The following SHROOM3 variants were observed in gnomAD, a reference collection of about 807,000 sequenced individuals.
SHROOM3 encodes the protein shroom family member 3.
Under a neutral mutation model 138.6 loss-of-function variants are expected in SHROOM3, and 47 were observed. The ratio of observed to expected loss-of-function variants is 0.34; its 90% CI spans 0.27 to 0.43. The LOEUF is 0.43. SHROOM3 is among the 20% of genes least tolerant of loss of function. The pLI is 1.00. For synonymous variants in SHROOM3, 1,062 were observed against 1,063.3 expected, an observed-to-expected ratio of 1.00 and a Z score of 0.02; for missense variants, 2,491 against 2,596.5, an observed-to-expected ratio of 0.96 and a Z score of 0.88.
chr4:76,563,808 C>G (rs1733645433), intron 2 of SHROOM3, among the ~76,000 whole-genome samples: 1 of 152,154 alleles, frequency 6.6e-6, no homozygotes, highest in Non-Finnish European at 1.5e-5. Context: ...TCTACCTCTC[C>G]TGGACACAGA....
In SHROOM3 at chr4:76,740,260, C is replaced by T; in HGVS notation, c.2087C>T (p.Ala696Val). 1.9e-6 allele frequency: 3 copies of T among 1,613,252 alleles called. No homozygotes were observed. The highest frequency in any genetic ancestry group is 1.1e-5 in the South Asian group (1 of 91,082). ...TACCCCGGGGGCAGGCCCACCTGTG[C>T]AGTCAACACCAAGGCAGAAGACCCT... ...EGYPGGRPTC[A>V]VNTKAEDPGR... is the part of the protein sequence containing the mutation. Residue 696 changes from alanine to valine, a missense_variant, in exon 5 of 11, where the codon GCA becomes GTA. By Grantham distance (64) the Ala-to-Val change is moderately conservative (BLOSUM62 0). Coordinates refer to ENST00000296043, the MANE Select transcript of SHROOM3 (RefSeq NM_020859.4). This position sits in a 1 kb window ranked among gnomAD's most constrained non-coding sequence, Gnocchi z 4.0.
chr4:76,457,019 T>C (rs1174547901), intron 1 of SHROOM3, among the ~76,000 whole-genome samples: 1 of 152,190 alleles, frequency 6.6e-6, no homozygotes, highest in Non-Finnish European at 1.5e-5. Flanking sequence ...TGGTGGAATG[T>C]CATCAGTTAA....
intron 2 of SHROOM3, among the ~76,000 whole-genome samples, chr4:76,641,617 C>T (rs1735671633): frequency 1.3e-5 from 2 of 152,318 alleles, no homozygotes; most frequent in African/African-American, 4.8e-5. Context: ...GGCCAGGCAA[C>T]CAGAGCAAAT....
chr4:76,498,506 T>A (rs936443989), intron 1 of SHROOM3, among the ~76,000 whole-genome samples: 3 of 152,106 alleles, frequency 2.0e-5, no homozygotes, highest in African/African-American at 7.2e-5. Flanking sequence ...GTTGACTTTT[T>A]CTTTCTTTGT....
At chr4:76,676,977 A>G (rs999516752) in intron 2 of SHROOM3, among the ~76,000 whole-genome samples, 10 of 151,888 alleles carry the variant, frequency 6.6e-5, no homozygotes, top group Admixed American at 1.3e-4. Flanking sequence ...AGGAAAAGGA[A>G]AAAGAAAATT....
At position 76,436,138 on chromosome 4, in the gene SHROOM3, A is replaced by G. The variant is rs1432700031; in HGVS notation, c.86A>G (p.Glu29Gly). 1 of 1,613,862 alleles carries G rather than the reference A, an allele frequency of 6.2e-7. No individual in the cohort carries two copies. The change falls in exon 1 of 11, where the codon GAG becomes GGG. Residue 29 changes from glutamate (E) to glycine (G), a missense_variant. Physicochemically the swap from Glu to Gly is moderately conservative, Grantham distance 98 (BLOSUM62 -2). This residue lies in a region of SHROOM3 where 284 missense variants were observed against 322.8 expected (regional missense o/e 0.88). Coordinates refer to ENST00000296043, the MANE Select transcript of SHROOM3 (RefSeq NM_020859.4). ...TATKGRYIYL[E>G]AFLEGGAPWG... ...ACCAAGGGAAGGTACATTTATCTGG[A>G]GGCATTCCTGGAGGGAGGAGCTCCC...
At chr4:76,770,999 G>A in intron 10 of SHROOM3, 101 bp downstream of exon 10, 3 of 1,481,074 alleles carry the variant, frequency 2.0e-6, no homozygotes, top group Non-Finnish European at 1.9e-6. Flanking sequence ...AAGATTTGTG[G>A]CAATCTCTTT....
chr4:76,737,720 TC>T (rs1424805950), intron 4 of SHROOM3, among the ~76,000 whole-genome samples: 2 of 152,166 alleles, frequency 1.3e-5, no homozygotes, highest in Non-Finnish European at 2.9e-5. Context: ...TTCCCTAGTA[TC>T]TTGTTGTTTT....
At chr4:76,690,347 A>G (rs1435752191) in intron 2 of SHROOM3, among the ~76,000 whole-genome samples, 5 of 152,188 alleles carry the variant, frequency 3.3e-5, no homozygotes, top group Admixed American at 6.5e-5. Flanking sequence ...CTCTTCCTCT[A>G]GGATGTATTT....
intron 9 of SHROOM3, among the ~76,000 whole-genome samples, chr4:76,768,702 T>C (rs71607376): frequency 0.059 from 9,007 of 152,176 alleles, 293 homozygotes; most frequent in Non-Finnish European, 0.071. Context: ...TCAGTAGAGA[T>C]GGGCTTTCAC....
chr4:76,584,440 CAG>C lies in SHROOM3; in HGVS notation c.323+28681_323+28682del, dbSNP rs1398934003. Reference sequence around the variant, plus strand: ...ACACAACCTGTTGAGGATGTTGTCACAGAGAATCTGGAGCAGAGTGGATCTGA... The same window carrying C: ...ACACAACCTGTTGAGGATGTTGTCACAGAATCTGGAGCAGAGTGGATCTGA... On this transcript the variant is annotated intron_variant, in intron 2 of 10. Transcript: ENST00000296043. Among the ~76,000 whole-genome samples the C allele has an allele frequency of 9.2e-5, 14 of 152,256 alleles. No homozygotes were observed. The East Asian group carries it at 2.5e-3, about 27-fold the overall frequency.
rs1721931155 is a variant in SHROOM3, at chr4:76,759,617, T to A, written c.5271T>A (p.Ala1757=). The change falls in exon 9 of 11, where the codon GCT becomes GCA. Residue 1757 remains alanine, a synonymous_variant. Transcript: ENST00000296043. ...PAYYSVSAPK[A]ELLNKIKEMP... The stretch of plus-strand genomic sequence containing the variant: ...ACTACAGTGTGTCTGCTCCCAAGGC[T>A]GAGCTACTGAACAAAATCAAAGAGA... 2.5e-6 allele frequency: 4 copies of A among 1,614,068 alleles called. No individual in the cohort carries two copies. The highest frequency in any genetic ancestry group is 3.4e-6 in the Non-Finnish European group (4 of 1,180,048).
chr4:76,465,991 C>T (rs1178317170), intron 1 of SHROOM3, among the ~76,000 whole-genome samples: 1 of 152,080 alleles, frequency 6.6e-6, no homozygotes, highest in African/African-American at 2.4e-5. Context: ...CATTAAATTC[C>T]CAGGATTGAG....
intron 2 of SHROOM3, among the ~76,000 whole-genome samples, chr4:76,602,849 G>A (rs190395746): frequency 3.2e-4 from 49 of 151,946 alleles, no homozygotes; most frequent in African/African-American, 1.1e-3. Flanking sequence ...CTGGTGCCTC[G>A]GTTTCCTTAT....
intron 2 of SHROOM3, among the ~76,000 whole-genome samples, chr4:76,583,382 C>T (rs903743914): frequency 2.6e-5 from 4 of 152,188 alleles, no homozygotes; most frequent in African/African-American, 7.2e-5. Context: ...GTAGGAAGAG[C>T]GACCATCCAG....
Position 76,739,311 on chromosome 4 carries a change from G to A in SHROOM3, c.1138G>A (p.Val380Met), listed in dbSNP as rs747288947. 6.2e-7 allele frequency: 1 copy of A among 1,613,964 alleles called. No homozygotes were observed. Among genetic ancestry groups the A allele is most frequent in the South Asian group, 1.1e-5 (1 of 91,062 alleles). The change falls in exon 5 of 11, where the codon GTG becomes ATG. Residue 380 changes from valine to methionine, a missense_variant. Val to Met is a conservative substitution (Grantham distance 21, BLOSUM62 1). Coordinates refer to ENST00000296043, the MANE Select transcript of SHROOM3 (RefSeq NM_020859.4). ...TGCCACGGACAACCTTCCTCCTAAG[G>A]TGGGTGCACCCCTGCCTCCAGCTCG... ...ETATDNLPPK[V>M]GAPLPPARSD...
intron 1 of SHROOM3, among the ~76,000 whole-genome samples, chr4:76,528,215 CTTA>C (rs1158988911): frequency 6.6e-6 from 1 of 152,106 alleles, no homozygotes; most frequent in Non-Finnish European, 1.5e-5. Context: ...ATTAGATTAA[CTTA>C]TTATCCCCAA....
intron 1 of SHROOM3, among the ~76,000 whole-genome samples, chr4:76,521,600 C>T (rs1209188043): frequency 6.6e-6 from 1 of 152,208 alleles, no homozygotes; most frequent in East Asian, 1.9e-4. Context: ...CATTTTCACA[C>T]AGAAAAATAA....
rs200078919 is a variant in SHROOM3, at chr4:76,483,723, G to A, written c.168+47503G>A. Among the ~76,000 whole-genome samples, 3 of 152,240 alleles carry A rather than the reference G, an allele frequency of 2.0e-5. No individual in the cohort carries two copies. In the East Asian group the frequency reaches 5.8e-4, roughly 29 times the overall value. ...GTTTATTACAGCACTATTCACAATAGCAAAGACTTGGAACTGACTCAAATA... is the reference window on the plus strand; with the variant it reads ...GTTTATTACAGCACTATTCACAATAACAAAGACTTGGAACTGACTCAAATA... On this transcript the variant is annotated intron_variant, in intron 1 of 10. Transcript: ENST00000296043.
Sources: gnomAD v4.1 joint callset for allele counts (sites outside exome capture counted in the v4.1 genomes callset) on GRCh38, gnomAD v4.1.1 for gene constraint, gnomAD v4.1.1 regional missense constraint, Gnocchi (gnomAD v3.1) non-coding constraint, MANE v1.5 for transcripts, NCBI Gene and HGNC (gene_info 2026-07-23, HGNC 2026-07-21) for gene names.